RFX6: variants seen among roughly 807,000 people sequenced by gnomAD.
The protein encoded by RFX6 is regulatory factor X6.
In RFX6, 50 loss-of-function variants were observed where a neutral mutation model predicts 110.8. The observed-to-expected ratio is 0.45, with a 90% CI of 0.36 to 0.57. The LOEUF is 0.57. Ranked by LOEUF, RFX6 falls within the 20% of genes least tolerant of loss-of-function variation. The probability of loss-of-function intolerance (pLI) is 0.00; values close to 1 mark genes in which losing one functional copy is unlikely to be tolerated. For missense variants in RFX6, 990 were observed against 1,127.0 expected, an observed-to-expected ratio of 0.88 and a Z score of 1.74; for synonymous variants, 383 against 411.2, an observed-to-expected ratio of 0.93 and a Z score of 0.83.
chr6:116,877,949 A>G lies in RFX6; in HGVS notation c.377A>G (p.Gln126Arg), dbSNP rs972744681. Residue 126 changes from glutamine to arginine, a missense_variant, in exon 2 of 19, where the codon CAG (glutamine) becomes CGG (arginine). By Grantham distance (43) the Gln-to-Arg change is conservative. Around this residue, in one of 5 missense-constraint regions of RFX6, gnomAD observed 175 missense variants for 162.3 expected, o/e 1.08. Transcript: ENST00000332958. ...AAGAAGCAGACACAGCTCACGCTGC[A>G]GTGGTGAGACTCGCCCGCAGGGTAC... Reference protein sequence around the residue: ...DKKKQTQLTLQWLEENYIVCE... With the variant: ...DKKKQTQLTLRWLEENYIVCE... 5.0e-6 allele frequency: 8 copies of G among 1,613,976 alleles called. No homozygotes were observed. The highest frequency in any genetic ancestry group is 1.3e-5 in the African/African-American group (1 of 74,928).
At chr6:116,899,483 C>G (rs575660877) in intron 6 of RFX6, among the ~76,000 whole-genome samples, 1 of 152,002 alleles carries the variant, frequency 6.6e-6, no homozygotes, top group Admixed American at 6.6e-5. Context: ...AAATCTGCAG[C>G]AGAGTTTAGG....
intron 7 of RFX6, among the ~76,000 whole-genome samples, chr6:116,911,681 TAGTAGCAG>T (rs1221575786): frequency 2.0e-5 from 3 of 152,212 alleles, no homozygotes; most frequent in African/African-American, 7.2e-5. Context: ...GTTGGCTGTT[TAGTAGCAG>T]AGACCATTAT....
intron 6 of RFX6, among the ~76,000 whole-genome samples, chr6:116,897,530 T>G (rs339346): frequency 0.82 from 125,179 of 152,144 alleles, 51,700 homozygotes; most frequent in East Asian, 0.89. Context: ...GCTGGATTGT[T>G]TGTAGTCTCA....
At chr6:116,918,010 G>A in intron 9 of RFX6, 27 bp from the exon 10 acceptor site, 1 of 1,535,274 alleles carries the variant, frequency 6.5e-7, no homozygotes, top group Non-Finnish European at 9.0e-7. Flanking sequence ...GTAAAGATTT[G>A]TATTAACCTC....
intron 12 of RFX6, among the ~76,000 whole-genome samples, chr6:116,921,452 A>T (rs967110908): frequency 6.6e-6 from 1 of 152,164 alleles, no homozygotes; most frequent in African/African-American, 2.4e-5. Context: ...CTAGACTCAA[A>T]ATGAATATTT....
intron 6 of RFX6, among the ~76,000 whole-genome samples, chr6:116,908,817 C>A (rs1340582161): frequency 1.3e-5 from 2 of 151,924 alleles, no homozygotes; most frequent in South Asian, 2.1e-4. Context: ...GCATTCTCCT[C>A]TGTTTGTTGT....
chr6:116,896,537 G>A (rs1227891563), intron 6 of RFX6, among the ~76,000 whole-genome samples: 2 of 151,920 alleles, frequency 1.3e-5, no homozygotes, highest in Non-Finnish European at 2.9e-5. Flanking sequence ...TTCTTTGGGA[G>A]GCTGAAAAAT....
intron 6 of RFX6, among the ~76,000 whole-genome samples, chr6:116,907,611 T>A (rs972344650): frequency 6.6e-6 from 1 of 152,138 alleles, no homozygotes; most frequent in African/African-American, 2.4e-5. Flanking sequence ...CATCTATCTT[T>A]TCGAATTCAC....
chr6:116,893,730 G>GGT (rs1358762788), intron 4 of RFX6, among the ~76,000 whole-genome samples: 2 of 152,130 alleles, frequency 1.3e-5, no homozygotes, highest in Admixed American at 6.6e-5. Flanking sequence ...AATGTTTTAG[G>GGT]GTATGTAAGA....
intron 4 of RFX6, among the ~76,000 whole-genome samples, chr6:116,892,437 T>A (rs1250525418): frequency 6.6e-6 from 1 of 152,242 alleles, no homozygotes; most frequent in Non-Finnish European, 1.5e-5. Flanking sequence ...CAGGCCCACT[T>A]CTTGGGCCTA....
At chr6:116,920,168 C>T (rs1775561123) in intron 11 of RFX6, 142 bp from the exon 12 acceptor site, 1 of 712,618 alleles carries the variant, frequency 1.4e-6, no homozygotes, top group African/African-American at 1.8e-5. Flanking sequence ...TGAGTCTCAG[C>T]TACTGCTTTT....
At chr6:116,925,741 A>C (rs1437613638) in intron 16 of RFX6, 82 bp downstream of exon 16, 1 of 872,520 alleles carries the variant, frequency 1.1e-6, no homozygotes, top group Non-Finnish European at 1.9e-6. Flanking sequence ...CATAACTTCC[A>C]GTCCAGGAAT....
chr6:116,881,906 C>G (rs339354), intron 3 of RFX6, among the ~76,000 whole-genome samples: 1 of 151,854 alleles, frequency 6.6e-6, no homozygotes, highest in South Asian at 2.1e-4. Flanking sequence ...ATTTTAGCAA[C>G]TTTAGAGAAA....
intron 2 of RFX6, among the ~76,000 whole-genome samples, chr6:116,878,477 CTA>C (rs1370851627): frequency 7.0e-4 from 106 of 152,120 alleles, no homozygotes; most frequent in African/African-American, 2.4e-3. Context: ...AGAAGTTCAA[CTA>C]TTTTTATACC....
At chr6:116,930,369 T>C (rs1021113328) in intron 18 of RFX6, among the ~76,000 whole-genome samples, 4 of 152,106 alleles carry the variant, frequency 2.6e-5, no homozygotes, top group Non-Finnish European at 4.4e-5. Flanking sequence ...ATGAATTTTA[T>C]TGAGAACCGA....
At chr6:116,917,529 T>G (rs773723828) in intron 9 of RFX6, among the ~76,000 whole-genome samples, 2 of 152,164 alleles carry the variant, frequency 1.3e-5, no homozygotes, top group Non-Finnish European at 2.9e-5. Context: ...CAAAGCTTTT[T>G]GGACTGTCAT....
At chr6:116,900,691 A>G (rs947248687) in intron 6 of RFX6, among the ~76,000 whole-genome samples, 1 of 152,156 alleles carries the variant, frequency 6.6e-6, no homozygotes, top group East Asian at 1.9e-4. Flanking sequence ...CAGACAGAAA[A>G]TTATGCACAA....
In RFX6 at chr6:116,927,230, T is replaced by G. The variant is rs1312506502; in HGVS notation, c.2089T>G (p.Tyr697Asp). The change falls in exon 17 of 19, where the codon TAT becomes GAT. Residue 697 changes from tyrosine to aspartate, a missense_variant. Physicochemically the swap from Tyr to Asp is radical, Grantham distance 160. This residue lies in a region of RFX6 where 438 missense variants were observed against 441.9 expected (regional missense o/e 0.99). Transcript: ENST00000332958. Reference protein sequence around the residue: ...PTLPQANHDFYSTSSNYQTVF... With the variant: ...PTLPQANHDFDSTSSNYQTVF... ...TCTCCCTCAAGCCAATCATGACTTTTATAGCACCAGCTCTAACTACCAGAC... is the reference window on the plus strand; with the variant it reads ...TCTCCCTCAAGCCAATCATGACTTTGATAGCACCAGCTCTAACTACCAGAC... The G allele has an allele frequency of 6.2e-7, 1 of 1,614,090 alleles. No individual in the cohort carries two copies. The highest frequency in any genetic ancestry group is 1.3e-5 in the African/African-American group (1 of 74,938).
At chr6:116,922,553 AG>A (rs1374508335) in intron 13 of RFX6, among the ~76,000 whole-genome samples, 1 of 152,172 alleles carries the variant, frequency 6.6e-6, no homozygotes, top group Non-Finnish European at 1.5e-5. Flanking sequence ...GAATTCCAAA[AG>A]CTCAATATTT....
Sources: allele counts gnomAD v4.1 joint callset (sites outside exome capture counted in the v4.1 genomes callset), GRCh38; gene constraint gnomAD v4.1.1; regional missense constraint gnomAD v4.1.1; transcripts MANE v1.5; gene names NCBI Gene and HGNC (gene_info 2026-07-23, HGNC 2026-07-21).